The following CRACR2A variants were observed in gnomAD, a reference collection of about 807,000 sequenced individuals.
CRACR2A encodes calcium release activated channel regulator 2A.
CRACR2A carries 79 observed loss-of-function variants against 90.5 expected under a neutral mutation model. The ratio of observed to expected loss-of-function variants is 0.87; its 90% CI spans 0.73 to 1.05. CRACR2A has a LOEUF of 1.05. Among genes scored for constraint, CRACR2A ranks in the 50% least tolerant of loss-of-function variants. The probability of loss-of-function intolerance (pLI) is 0.00; values close to 1 mark genes in which losing one functional copy is unlikely to be tolerated. For missense variants in CRACR2A, 823 were observed against 897.2 expected (o/e 0.92, Z 1.06); for synonymous variants, 338 against 356.7 (o/e 0.95, Z 0.59).
At chr12:3,722,879 C>T (rs763884511) in intron 2 of CRACR2A, among the ~76,000 whole-genome samples, 35 of 152,192 alleles carry the variant, frequency 2.3e-4, no homozygotes, top group Admixed American at 3.9e-4. Context: ...ATCAGAAATG[C>T]TTTCTCATCC....
At chr12:3,700,439 A>G (rs906351811) in intron 3 of CRACR2A, among the ~76,000 whole-genome samples, 6 of 152,224 alleles carry the variant, frequency 3.9e-5, no homozygotes, top group African/African-American at 9.6e-5. Context: ...TAGACTACCT[A>G]TGTTGAGGAA....
Position 3,680,254 on chromosome 12 carries a change from C to T in CRACR2A, c.324G>A (p.Glu108=). The change falls in exon 5 of 20, where the codon GAG becomes GAA. Residue 108 remains glutamate (E), a synonymous_variant. Transcript: ENST00000440314. ...ADGNGYLTPQ[E]FTTGFSHFFF... Reference sequence around the variant, plus strand: ...AGAACTTACTAAATCCAGTAGTGAACTCCTGTGGGGTCAGATAGCCATTGC... The same window carrying T: ...AGAACTTACTAAATCCAGTAGTGAATTCCTGTGGGGTCAGATAGCCATTGC... 1 of 1,614,126 alleles carries T rather than the reference C, an allele frequency of 6.2e-7. No homozygotes were observed. Among genetic ancestry groups the T allele is most frequent in the Non-Finnish European group, 8.5e-7 (1 of 1,179,946 alleles).
chr12:3,678,317 T>C (rs1360285726), intron 6 of CRACR2A, among the ~76,000 whole-genome samples: 2 of 152,174 alleles, frequency 1.3e-5, no homozygotes, highest in African/African-American at 4.8e-5. Context: ...ATCTCAGCCA[T>C]CTACAATTTT....
chr12:3,646,275 C>T (rs1944686440), intron 11 of CRACR2A, among the ~76,000 whole-genome samples: 1 of 152,186 alleles, frequency 6.6e-6, no homozygotes, highest in South Asian at 2.1e-4. Flanking sequence ...GGCCAGATGA[C>T]CTCAACGTGC....
At chr12:3,684,914 G>A (rs1945525787) in intron 4 of CRACR2A, among the ~76,000 whole-genome samples, 2 of 152,226 alleles carry the variant, frequency 1.3e-5, no homozygotes, top group African/African-American at 2.4e-5. Flanking sequence ...AGCGGGCCAC[G>A]CAGCTGTGTG....
intron 1 of CRACR2A, among the ~76,000 whole-genome samples, chr12:3,736,748 C>T (rs928508248): frequency 6.6e-6 from 1 of 152,048 alleles, no homozygotes; most frequent in African/African-American, 2.4e-5. Flanking sequence ...GTCTCAAAAC[C>T]CAAAGATGAG....
chr12:3,701,475 G>T (rs1401649126), intron 3 of CRACR2A, among the ~76,000 whole-genome samples: 1 of 152,136 alleles, frequency 6.6e-6, no homozygotes, highest in Non-Finnish European at 1.5e-5. Context: ...TAGTAGCAAT[G>T]TGAGGTGATA....
chr12:3,618,906 C>A (rs1159339055), intron 18 of CRACR2A, among the ~76,000 whole-genome samples: 6 of 152,152 alleles, frequency 3.9e-5, no homozygotes, highest in Non-Finnish European at 5.9e-5. Context: ...CACTGCTTTG[C>A]AGAGAGTGAG....
At chr12:3,632,652 C>T (rs1052110438) in intron 15 of CRACR2A, among the ~76,000 whole-genome samples, 1 of 152,178 alleles carries the variant, frequency 6.6e-6, no homozygotes, top group Admixed American at 6.5e-5. Context: ...CACCAACCAA[C>T]TGAAGGGAAT....
At position 3,730,325 on chromosome 12, in the gene CRACR2A, A is replaced by G. The variant is rs532505640; in HGVS notation, c.-118+2617T>C. 2.0e-5 allele frequency: 3 copies of G among 152,388 alleles called. No individual in the cohort carries two copies. The South Asian group carries it at 6.2e-4, about 32-fold the overall frequency. 9.4% of individuals were successfully genotyped at this position (152,388 alleles called of 1,614,324 possible). A position where few individuals can be genotyped will look rare whatever the true frequency, so the allele number is the denominator to read the frequency against. ...GGCTGAACGCAAGAGGGTCAGCAAGAGGTGGTGGGGAAGATGCCAGAGCGG... is the reference window on the plus strand; with the variant it reads ...GGCTGAACGCAAGAGGGTCAGCAAGGGGTGGTGGGGAAGATGCCAGAGCGG... On this transcript the variant is annotated intron_variant, in intron 2 of 19. Transcript: ENST00000440314.
intron 11 of CRACR2A, among the ~76,000 whole-genome samples, chr12:3,646,019 T>C (rs998458833): frequency 5.3e-5 from 8 of 152,178 alleles, no homozygotes; most frequent in Admixed American, 5.2e-4. Context: ...GTGACGAGTA[T>C]GGGGAGTACA....
At chr12:3,680,593 C>A (rs1158708670) in intron 4 of CRACR2A, among the ~76,000 whole-genome samples, 1 of 152,212 alleles carries the variant, frequency 6.6e-6, no homozygotes, top group Non-Finnish European at 1.5e-5. Flanking sequence ...TATAAATAAA[C>A]AAATATGTAA....
chr12:3,681,090 G>A lies in CRACR2A; in HGVS notation c.229-741C>T, dbSNP rs1316917144. Among the ~76,000 whole-genome samples the A allele has an allele frequency of 2.6e-5, 4 of 152,116 alleles. No individual in the cohort carries two copies. In the South Asian group the frequency reaches 6.2e-4, roughly 24 times the overall value. On this transcript the variant is annotated intron_variant, in intron 4 of 19. Coordinates refer to ENST00000440314, the MANE Select transcript of CRACR2A (RefSeq NM_001144958.2). ...CACTTACTTGAGGCCTCTCCTGCTG[G>A]AGGCCCCTGGTGTCCCATTGCCTCA... is the stretch of plus-strand genomic sequence containing the variant.
intron 3 of CRACR2A, among the ~76,000 whole-genome samples, chr12:3,705,698 G>A (rs1173370216): frequency 6.6e-6 from 1 of 152,244 alleles, no homozygotes; most frequent in Non-Finnish European, 1.5e-5. Context: ...TCAAACTGCA[G>A]AGAGGAGGAG....
At chr12:3,724,890 C>T (rs992543216) in intron 2 of CRACR2A, among the ~76,000 whole-genome samples, 6 of 152,156 alleles carry the variant, frequency 3.9e-5, no homozygotes, top group Non-Finnish European at 8.8e-5. Flanking sequence ...GCTTCCTGGG[C>T]TGCTTGGGCT....
chr12:3,655,331 G>C (rs959112203), intron 9 of CRACR2A, among the ~76,000 whole-genome samples: 2 of 152,196 alleles, frequency 1.3e-5, no homozygotes, highest in Non-Finnish European at 2.9e-5. Flanking sequence ...TGGGGAAATG[G>C]GGAGGCAGCT....
Position 3,711,756 on chromosome 12 carries a change from C to A in CRACR2A, c.-37+1481G>T, listed in dbSNP as rs1177316410. Among the ~76,000 whole-genome samples the A allele has an allele frequency of 6.6e-6, 1 of 152,168 alleles. No individual in the cohort carries two copies. Among genetic ancestry groups the A allele is most frequent in the South Asian group, 2.1e-4 (1 of 4,830 alleles). ...CCTCTGTCTATTACCCATTCCACAG[C>A]CACATCCACATTTTTAGGTATTTAT... On this transcript the variant is annotated intron_variant, in intron 3 of 19. Coordinates refer to ENST00000440314, the MANE Select transcript of CRACR2A (RefSeq NM_001144958.2). The surrounding 1 kb of genome is among the most constrained non-coding windows in gnomAD (Gnocchi z 4.3).
chr12:3,652,148 A>G (rs1944805192), intron 10 of CRACR2A, among the ~76,000 whole-genome samples: 1 of 149,480 alleles, frequency 6.7e-6, no homozygotes, highest in Non-Finnish European at 1.5e-5. Flanking sequence ...TAATTAAGAT[A>G]AGACTTCAGA....
intron 1 of CRACR2A, among the ~76,000 whole-genome samples, chr12:3,735,171 C>A (rs1252677300): frequency 6.6e-6 from 1 of 152,092 alleles, no homozygotes; most frequent in Admixed American, 6.5e-5. Flanking sequence ...AGGTTGTACA[C>A]CTTAAATTTA....
Sources: allele counts gnomAD v4.1 joint callset (sites outside exome capture counted in the v4.1 genomes callset), GRCh38; gene constraint gnomAD v4.1.1; non-coding constraint Gnocchi (gnomAD v3.1); transcripts MANE v1.5; gene names NCBI Gene and HGNC (gene_info 2026-07-23, HGNC 2026-07-21).